The following SPAG16 variants were observed in gnomAD, a reference collection of about 807,000 sequenced individuals.
SPAG16 encodes the protein sperm associated antigen 16, also known as sperm-associated antigen 16 protein.
Under a neutral mutation model 80.4 loss-of-function variants are expected in SPAG16, and 86 were observed. The ratio of observed to expected loss-of-function variants is 1.07; its 90% confidence interval spans 0.90 to 1.28. The LOEUF is 1.28. Ranked by LOEUF, SPAG16 falls within the 50% of genes most tolerant of loss-of-function variation. The probability of loss-of-function intolerance (pLI) is 0.00; values close to 1 mark genes in which losing one functional copy is unlikely to be tolerated. For missense variants in SPAG16, 870 were observed against 765.3 expected (o/e 1.14, Z -1.61); for synonymous variants, 294 against 265.9 (o/e 1.11, Z -1.03).
At chr2:213,614,666 A>G (rs1477629215) in intron 10 of SPAG16, among the ~76,000 whole-genome samples, 1 of 152,214 alleles carries the variant, frequency 6.6e-6, no homozygotes, top group East Asian at 1.9e-4. Context: ...ATAGGTCATT[A>G]TAATATTTGT....
chr2:214,305,293 G>A (rs1175097638), intron 15 of SPAG16, among the ~76,000 whole-genome samples: 1 of 152,064 alleles, frequency 6.6e-6, no homozygotes, highest in Admixed American at 6.5e-5. Flanking sequence ...GATGCAGTTT[G>A]CAAAAATTTT....
chr2:213,385,407 T>C (rs1024530713), intron 9 of SPAG16, among the ~76,000 whole-genome samples: 1 of 152,166 alleles, frequency 6.6e-6, no homozygotes, highest in African/African-American at 2.4e-5. Context: ...TCCAACTTTA[T>C]ATTCTACCTC....
intron 13 of SPAG16, among the ~76,000 whole-genome samples, chr2:214,046,172 A>T (rs2049315147): frequency 6.6e-6 from 1 of 152,216 alleles, no homozygotes; most frequent in Admixed American, 6.5e-5. Context: ...AAACCTAAAC[A>T]GACCAATAAC....
chr2:213,823,602 T>TGCC (rs1415278670), intron 10 of SPAG16, among the ~76,000 whole-genome samples: 1 of 152,154 alleles, frequency 6.6e-6, no homozygotes, highest in Non-Finnish European at 1.5e-5. Context: ...TCAGGTGATC[T>TGCC]GCCCACCTGG....
intron 15 of SPAG16, among the ~76,000 whole-genome samples, chr2:214,302,498 G>A (rs1190642335): frequency 1.3e-5 from 2 of 151,828 alleles, no homozygotes; most frequent in African/African-American, 4.8e-5. Flanking sequence ...TTTTTGTTTT[G>A]GAGATGGAGT....
intron 15 of SPAG16, among the ~76,000 whole-genome samples, chr2:214,196,101 A>C (rs186888900): frequency 6.6e-6 from 1 of 152,186 alleles, no homozygotes; most frequent in East Asian, 1.9e-4. Context: ...AAATATTTTC[A>C]CTATGTTTTC....
intron 9 of SPAG16, among the ~76,000 whole-genome samples, chr2:213,384,621 G>C (rs1476709761): frequency 6.6e-6 from 1 of 152,202 alleles, no homozygotes; most frequent in Non-Finnish European, 1.5e-5. Context: ...AGGAATCATT[G>C]TATGTACTTG....
At chr2:213,715,813 G>A (rs530444654) in intron 10 of SPAG16, among the ~76,000 whole-genome samples, 1 of 152,248 alleles carries the variant, frequency 6.6e-6, no homozygotes, top group South Asian at 2.1e-4. Flanking sequence ...TTATGCAAAT[G>A]GGGCAGTACT....
rs562139194 is a variant in SPAG16 at position 213,875,773 on chromosome 2, A to G, written c.1214+13145A>G. On this transcript the variant is annotated intron_variant, in intron 11 of 15. Coordinates refer to ENST00000331683, the MANE Select transcript of SPAG16 (RefSeq NM_024532.5). ...TTATTCTCTATCCATCATTTTTGAC[A>G]CTAAATAAAAATGATCTGGTGTGTA... Among the ~76,000 whole-genome samples, 4 of 152,290 alleles carry G rather than the reference A, an allele frequency of 2.6e-5. No individual in the cohort carries two copies. In the South Asian group the frequency reaches 8.3e-4, roughly 32 times the overall value.
At chr2:213,764,639 T>C (rs1011996697) in intron 10 of SPAG16, among the ~76,000 whole-genome samples, 3 of 152,186 alleles carry the variant, frequency 2.0e-5, no homozygotes, top group Admixed American at 2.0e-4. Context: ...AATTCAGTTC[T>C]GGTGTTACTA....
At position 213,910,086 on chromosome 2, in the gene SPAG16, T is replaced by G. The variant is rs1247981608; in HGVS notation, c.1215-19874T>G. Among the ~76,000 whole-genome samples, 5 of 152,240 alleles carry G rather than the reference T, an allele frequency of 3.3e-5. No homozygotes were observed. In the East Asian group the frequency reaches 9.6e-4, roughly 29 times the overall value. ...TGCAAGAAGATATTTGAGCTTAATTTTATTAGATTTTGGTTGTATGTAATT... is the reference window on the plus strand; with the variant it reads ...TGCAAGAAGATATTTGAGCTTAATTGTATTAGATTTTGGTTGTATGTAATT... On this transcript the variant is annotated intron_variant, in intron 11 of 15. Transcript: ENST00000331683.
chr2:213,661,966 T>C (rs985571320), intron 10 of SPAG16, among the ~76,000 whole-genome samples: 3 of 152,198 alleles, frequency 2.0e-5, no homozygotes, highest in African/African-American at 7.2e-5. Context: ...ATGATACTTA[T>C]GTATTATTGT....
At chr2:214,185,537 A>G (rs2057440144) in intron 15 of SPAG16, among the ~76,000 whole-genome samples, 3 of 152,190 alleles carry the variant, frequency 2.0e-5, no homozygotes. Flanking sequence ...ACTGCACATC[A>G]AGAAAACTAG....
chr2:213,328,250 C>A (rs7579697), intron 5 of SPAG16, among the ~76,000 whole-genome samples: 2 of 151,874 alleles, frequency 1.3e-5, no homozygotes, highest in Non-Finnish European at 2.9e-5. Flanking sequence ...TTTGATAGCC[C>A]GCTCAGGATA....
intron 15 of SPAG16, among the ~76,000 whole-genome samples, chr2:214,276,945 GT>G (rs201923185): frequency 0.022 from 3,344 of 150,744 alleles, 83 homozygotes; most frequent in African/African-American, 0.057. Context: ...ACATAGATTT[GT>G]TTTTTTTCAC....
chr2:214,105,966 C>T (rs2053359336), intron 13 of SPAG16, among the ~76,000 whole-genome samples: 1 of 151,902 alleles, frequency 6.6e-6, no homozygotes, highest in Non-Finnish European at 1.5e-5. Context: ...CTTTATAACC[C>T]CATATTTCCA....
At chr2:213,504,228 T>G (rs2125787217) in intron 10 of SPAG16, among the ~76,000 whole-genome samples, 1 of 152,214 alleles carries the variant, frequency 6.6e-6, no homozygotes, top group East Asian at 1.9e-4. Flanking sequence ...TAGATTAGCA[T>G]GCATTGCCAG....
intron 9 of SPAG16, among the ~76,000 whole-genome samples, chr2:213,472,987 T>TC (rs2073170100): frequency 1.3e-5 from 2 of 152,138 alleles, no homozygotes; most frequent in African/African-American, 4.8e-5. Flanking sequence ...AGGTCTTGGC[T>TC]CCCCCTTCAT....
At chr2:214,051,278 A>G (rs2049628803) in intron 13 of SPAG16, among the ~76,000 whole-genome samples, 1 of 152,184 alleles carries the variant, frequency 6.6e-6, no homozygotes, top group Admixed American at 6.5e-5. Context: ...TTTATAGCAA[A>G]GGAATCACAT....
Sources: gnomAD v4.1 joint callset for allele counts (sites outside exome capture counted in the v4.1 genomes callset) on GRCh38, gnomAD v4.1.1 for gene constraint, MANE v1.5 for transcripts, NCBI Gene and HGNC (gene_info 2026-07-23, HGNC 2026-07-21) for gene names.